ERBIN: variants seen among roughly 807,000 people sequenced by gnomAD.
The protein encoded by ERBIN is erbb2 interacting protein, also known as densin-180-like protein.
In ERBIN, 60 loss-of-function variants were observed where a neutral mutation model predicts 158.4. The ratio of observed to expected loss-of-function variants is 0.38; its 90% CI spans 0.31 to 0.47. The LOEUF (loss-of-function observed/expected upper bound fraction) is 0.47, where lower values mean the gene tolerates loss of function less well. ERBIN is among the 20% of genes least tolerant of loss of function. ERBIN has a pLI of 0.99. For synonymous variants in ERBIN, 594 were observed against 557.2 expected (o/e 1.07, Z -0.93); for missense variants, 1,610 against 1,648.0 (o/e 0.98, Z 0.40).
chr5:65,975,707 T>G (rs1749782993), intron 1 of ERBIN, among the ~76,000 whole-genome samples: 1 of 152,212 alleles, frequency 6.6e-6, no homozygotes, highest in African/African-American at 2.4e-5. Flanking sequence ...ATAGAATAAT[T>G]GAAGTCAGTG....
intron 17 of ERBIN, 140 bp from the exon 18 acceptor site, chr5:66,046,213 G>A (rs1758425527): frequency 2.2e-6 from 1 of 448,746 alleles, no homozygotes; most frequent in Non-Finnish European, 3.8e-6. Context: ...GAGTGTCACA[G>A]GTTTCTATGT....
chr5:65,975,026 A>G (rs1749699501), intron 1 of ERBIN, among the ~76,000 whole-genome samples: 3 of 152,134 alleles, frequency 2.0e-5, no homozygotes, highest in African/African-American at 7.2e-5. Flanking sequence ...AGTTATTTAT[A>G]TTTGAGGTGG....
At chr5:65,995,798 C>G (rs1752372363) in intron 4 of ERBIN, among the ~76,000 whole-genome samples, 1 of 152,016 alleles carries the variant, frequency 6.6e-6, no homozygotes, top group Admixed American at 6.6e-5. Flanking sequence ...AGTCTTTTTA[C>G]TCATTCTAGC....
intron 1 of ERBIN, among the ~76,000 whole-genome samples, chr5:65,963,761 G>T (rs1748197157): frequency 6.6e-6 from 1 of 150,748 alleles, no homozygotes; most frequent in South Asian, 2.1e-4. Context: ...TAAGTGATTT[G>T]CGTTTTTGGT....
chr5:65,987,842 CAAAA>C (rs60092791), intron 1 of ERBIN, among the ~76,000 whole-genome samples: 5,888 of 83,136 alleles, frequency 0.071, 389 homozygotes, highest in African/African-American at 0.21. Flanking sequence ...GATACGTCTC[CAAAA>C]AAAAAAAAAA....
At chr5:66,008,703 A>G (rs1056802625) in intron 4 of ERBIN, among the ~76,000 whole-genome samples, 2 of 152,222 alleles carry the variant, frequency 1.3e-5, no homozygotes, top group Non-Finnish European at 2.9e-5. Flanking sequence ...GAAATACTGT[A>G]TAGATTTTAA....
At chr5:65,964,947 A>AGTGTGTGTGTG (rs1748387029) in intron 1 of ERBIN, among the ~76,000 whole-genome samples, 1 of 75,676 alleles carries the variant, frequency 1.3e-5, no homozygotes, top group African/African-American at 7.6e-5. Context: ...TGTGTGTGTA[A>AGTGTGTGTGTG]TTTTTTTTTT....
At chr5:66,051,465 C>T (rs1285435692) in intron 20 of ERBIN, among the ~76,000 whole-genome samples, 1 of 151,880 alleles carries the variant, frequency 6.6e-6, no homozygotes, top group Non-Finnish European at 1.5e-5. Context: ...TATTTAGGCT[C>T]TTGAGAAATT....
At chr5:66,005,059 A>T (rs1242339957) in intron 4 of ERBIN, among the ~76,000 whole-genome samples, 4 of 151,882 alleles carry the variant, frequency 2.6e-5, no homozygotes, top group Non-Finnish European at 5.9e-5. Context: ...GCATGATGTG[A>T]CTTGTGTTTA....
At chr5:65,950,064 G>A (rs1420914698) in intron 1 of ERBIN, among the ~76,000 whole-genome samples, 1 of 152,180 alleles carries the variant, frequency 6.6e-6, no homozygotes, top group Non-Finnish European at 1.5e-5. Flanking sequence ...GGAGTGCAGT[G>A]GTGTGATCTC....
chr5:65,941,186 C>G (rs1472617745), intron 1 of ERBIN, among the ~76,000 whole-genome samples: 1 of 152,040 alleles, frequency 6.6e-6, no homozygotes, highest in Non-Finnish European at 1.5e-5. Flanking sequence ...CTGTGGAAGG[C>G]CGCAGGGTCC....
intron 2 of ERBIN, among the ~76,000 whole-genome samples, chr5:65,991,254 G>A (rs537676047): frequency 6.6e-6 from 1 of 152,178 alleles, no homozygotes; most frequent in South Asian, 2.1e-4. Context: ...GTTTATACAT[G>A]GATTCTTTTT....
intron 23 of ERBIN, among the ~76,000 whole-genome samples, chr5:66,075,633 T>A (rs916201722): frequency 4.6e-5 from 7 of 152,180 alleles, no homozygotes; most frequent in African/African-American, 1.7e-4. Flanking sequence ...AAAAGTACTT[T>A]AAAAGTCAGC....
chr5:66,077,777 C>CACACACACACACACACACAT, intron 25 of ERBIN, among the ~76,000 whole-genome samples: 1 of 129,000 alleles, frequency 7.8e-6, no homozygotes, highest in Non-Finnish European at 1.7e-5. Context: ...CACACACACA[C>CACACACACACACACACACAT]ACACACACAC....
intron 15 of ERBIN, among the ~76,000 whole-genome samples, chr5:66,041,697 A>C (rs796894340): frequency 1.8e-4 from 27 of 152,124 alleles, no homozygotes; most frequent in African/African-American, 6.5e-4. Context: ...CACTAATTGG[A>C]ATCTCTGGGC....
At chr5:66,031,659 C>T (rs762451602) in intron 14 of ERBIN, among the ~76,000 whole-genome samples, 6 of 152,022 alleles carry the variant, frequency 3.9e-5, no homozygotes, top group South Asian at 2.1e-4. Context: ...AGCAAGATTC[C>T]GTCTCTGCAA....
chr5:66,017,669 G>C (rs1429427031), intron 7 of ERBIN, among the ~76,000 whole-genome samples: 1 of 151,902 alleles, frequency 6.6e-6, no homozygotes, highest in Non-Finnish European at 1.5e-5. Flanking sequence ...TTAGCTTGCT[G>C]TAATCCCATT....
intron 25 of ERBIN, among the ~76,000 whole-genome samples, chr5:66,078,050 A>C (rs1285939404): frequency 6.6e-6 from 1 of 152,190 alleles, no homozygotes; most frequent in African/African-American, 2.4e-5. Context: ...AATTGTAAGA[A>C]ATATGGTGGT....
intron 1 of ERBIN, among the ~76,000 whole-genome samples, chr5:65,949,728 T>TA (rs1746270132): frequency 6.6e-6 from 1 of 152,236 alleles, no homozygotes; most frequent in Non-Finnish European, 1.5e-5. Context: ...TACTATTAAT[T>TA]AAACTACAGA....
Sources: allele counts gnomAD v4.1 joint callset (sites outside exome capture counted in the v4.1 genomes callset), GRCh38; gene constraint gnomAD v4.1.1; transcripts MANE v1.5; gene names NCBI Gene and HGNC (gene_info 2026-07-23, HGNC 2026-07-21).